DOCK10: variants seen among roughly 807,000 people sequenced by gnomAD.
DOCK10 encodes the protein dedicator of cytokinesis protein 10.
A neutral mutation model predicts 280.1 loss-of-function variants in DOCK10; 145 were observed. The ratio of observed to expected loss-of-function variants is 0.52; its 90% confidence interval spans 0.45 to 0.59. The LOEUF (loss-of-function observed/expected upper bound fraction) is 0.59, where lower values mean the gene tolerates loss of function less well. DOCK10 is among the 20% of genes least tolerant of loss of function. DOCK10 has a pLI of 0.00. For synonymous variants in DOCK10, 915 were observed against 942.2 expected, an observed-to-expected ratio of 0.97 and a Z score of 0.53; for missense variants, 2,368 against 2,651.7, an observed-to-expected ratio of 0.89 and a Z score of 2.35.
In DOCK10 at chr2:224,786,482, G is replaced by A. The variant is rs1691737750; in HGVS notation, c.5655+540C>T. Among the ~76,000 whole-genome samples the A allele has an allele frequency of 6.6e-6, 1 of 152,032 alleles. No individual in the cohort carries two copies. The highest frequency in any genetic ancestry group is 1.5e-5 in the Non-Finnish European group (1 of 68,004). On this transcript the variant is annotated intron_variant, in intron 50 of 55. Coordinates refer to ENST00000258390, the MANE Select transcript of DOCK10 (RefSeq NM_014689.3). This position sits in a 1 kb window ranked among gnomAD's most constrained non-coding sequence, Gnocchi z 4.7. ...CTTCATTGCTTATGCAGCAAACTGG[G>A]AAAAACAACTTTGAAATTACATTGA...
At chr2:224,847,949 T>C (rs1223430167) in intron 19 of DOCK10, among the ~76,000 whole-genome samples, 2 of 152,150 alleles carry the variant, frequency 1.3e-5, no homozygotes, top group Admixed American at 1.3e-4. Context: ...AATGGGGAGA[T>C]TATCCTGGAT....
rs530711337 is a variant in DOCK10, at chr2:224,992,740, C to A, written c.123+49512G>T. Reference sequence around the variant, plus strand: ...GGGAAAGCAGGGAATTGGCTTTGGGCTCTAACACTAATTAGGACTGCAGAC... The same window carrying A: ...GGGAAAGCAGGGAATTGGCTTTGGGATCTAACACTAATTAGGACTGCAGAC... On this transcript the variant is annotated intron_variant, in intron 1 of 55. Transcript: ENST00000258390. Among the ~76,000 whole-genome samples, 56 of 152,316 alleles carry A rather than the reference C, an allele frequency of 3.7e-4. 1 individual carries two copies. Among genetic ancestry groups the A allele is most frequent in the Admixed American group, 9.8e-4 (15 of 15,296 alleles).
intron 3 of DOCK10, among the ~76,000 whole-genome samples, chr2:224,915,014 C>T (rs549649372): frequency 2.6e-5 from 4 of 152,230 alleles, no homozygotes; most frequent in African/African-American, 7.2e-5. Flanking sequence ...TAAAATTCCA[C>T]TCAGATTTGT....
At position 224,766,323 on chromosome 2, in the gene DOCK10, TAAC is replaced by T. The variant is rs1297420549; in HGVS notation, c.6445-489_6445-487del. 5.3e-5 allele frequency among the ~76,000 whole-genome samples: 8 copies of T among 152,250 alleles called. No individual in the cohort carries two copies. In the East Asian group the frequency reaches 1.5e-3, roughly 29 times the overall value. Reference sequence around the variant, plus strand: ...TTCAAACAATGACGTGTAAGCATAATAACAACAGAAACTCCAGACACTTTTAAA... The same window carrying T: ...TTCAAACAATGACGTGTAAGCATAATAACAGAAACTCCAGACACTTTTAAA... On this transcript the variant is annotated intron_variant, in intron 55 of 55. Transcript: ENST00000258390.
chr2:224,788,044 A>G (rs1691856901), intron 48 of DOCK10, among the ~76,000 whole-genome samples: 1 of 152,196 alleles, frequency 6.6e-6, no homozygotes. Context: ...AAAAAAAATG[A>G]AGAGCTTTTA....
At chr2:224,849,635 G>T in intron 18 of DOCK10, 36 bp from the exon 19 acceptor site, 1 of 1,416,190 alleles carries the variant, frequency 7.1e-7, no homozygotes, top group South Asian at 1.2e-5. Flanking sequence ...AATTATGAGT[G>T]TCTGAAATTA....
chr2:224,938,481 G>A (rs1416948465), intron 1 of DOCK10, among the ~76,000 whole-genome samples: 1 of 152,094 alleles, frequency 6.6e-6, no homozygotes, highest in Non-Finnish European at 1.5e-5. Flanking sequence ...ACACGGACAA[G>A]CAAATCACTC....
rs1559517439 is a variant in DOCK10, at chr2:224,834,283, T to C, written c.2851-20A>G. On this transcript the variant is annotated intron_variant, in intron 25 of 55. Transcript: ENST00000258390. ...CACGAACTGAAGAAAATCCAAAAAG[T>C]GAATAAAGTTAAATACTTTGAAAAA... 4 of 1,344,554 alleles carry C rather than the reference T, an allele frequency of 3.0e-6. No homozygotes were observed. Among genetic ancestry groups the C allele is most frequent in the Non-Finnish European group, 4.3e-6 (4 of 937,948 alleles). 83.3% of individuals were successfully genotyped at this position (1,344,554 alleles called of 1,614,324 possible).
At chr2:224,801,549 G>A (rs1693015575) in intron 40 of DOCK10, among the ~76,000 whole-genome samples, 1 of 152,136 alleles carries the variant, frequency 6.6e-6, no homozygotes, top group African/African-American at 2.4e-5. Flanking sequence ...GCTGGAGTGT[G>A]TGCATCTCTA....
chr2:224,998,666 C>T (rs1275725708), intron 1 of DOCK10, among the ~76,000 whole-genome samples: 3 of 152,118 alleles, frequency 2.0e-5, no homozygotes, highest in African/African-American at 4.8e-5. Context: ...ATTCTTTCAC[C>T]TTCCCTCACT....
At chr2:224,810,327 T>C (rs1194375892) in intron 31 of DOCK10, among the ~76,000 whole-genome samples, 1 of 152,108 alleles carries the variant, frequency 6.6e-6, no homozygotes, top group African/African-American at 2.4e-5. Flanking sequence ...ATGGCTGCCA[T>C]GGGCTGGGGA....
chr2:225,003,296 G>A lies in DOCK10; in HGVS notation c.123+38956C>T, dbSNP rs564917869. On this transcript the variant is annotated intron_variant, in intron 1 of 55. Transcript: ENST00000258390. ...CTGGACTCAAGTATGCATCTGCCTC[G>A]GCTTCTCAAAGTGCTGGGATTACAG... Among the ~76,000 whole-genome samples, 35 of 152,200 alleles carry A rather than the reference G, an allele frequency of 2.3e-4. 1 individual carries two copies. The South Asian group carries it at 6.2e-3, about 27-fold the overall frequency.
At chr2:224,956,698 G>C (rs1704064668) in intron 1 of DOCK10, among the ~76,000 whole-genome samples, 1 of 149,794 alleles carries the variant, frequency 6.7e-6, no homozygotes, top group Non-Finnish European at 1.5e-5. Flanking sequence ...ACCACACTTT[G>C]AGAAACAATG....
intron 1 of DOCK10, among the ~76,000 whole-genome samples, chr2:225,035,577 T>G (rs1366731556): frequency 2.1e-5 from 2 of 95,156 alleles, no homozygotes; most frequent in Non-Finnish European, 4.1e-5. Flanking sequence ...TATATATATA[T>G]ATATATATAT....
At chr2:224,843,668 G>T (rs546933728) in intron 22 of DOCK10, among the ~76,000 whole-genome samples, 1 of 152,236 alleles carries the variant, frequency 6.6e-6, no homozygotes, top group African/African-American at 2.4e-5. Flanking sequence ...ATGAAAAGCA[G>T]ATACACATTA....
Position 224,849,477 on chromosome 2 carries a change from C to G in DOCK10, c.2235+30G>C, listed in dbSNP as rs372134452. 6.8e-5 allele frequency: 103 copies of G among 1,513,306 alleles called. 1 individual carries two copies. The South Asian group carries it at 1.1e-3, about 16-fold the overall frequency. The allele number at this position is 1,513,306 out of a possible 1,614,324, so 93.7% of individuals were successfully genotyped here. ...ACATTTACCCACCTTTCTTAGGAAC[C>G]GCTGGGGGCAGTGGAGGGCTAGCTC... On this transcript the variant is annotated intron_variant, in intron 19 of 55. Coordinates refer to ENST00000258390, the MANE Select transcript of DOCK10 (RefSeq NM_014689.3).
intron 3 of DOCK10, among the ~76,000 whole-genome samples, chr2:224,899,522 T>C (rs1028633208): frequency 8.5e-5 from 13 of 152,054 alleles, no homozygotes; most frequent in African/African-American, 2.7e-4. Flanking sequence ...AAAATGGTGG[T>C]GTCATGGGAA....
intron 50 of DOCK10, 178 bp from the exon 51 acceptor site, chr2:224,778,462 C>A (rs980799034): frequency 4.4e-6 from 3 of 682,214 alleles, no homozygotes; most frequent in Non-Finnish European, 7.9e-6. Flanking sequence ...AATAAAGTAT[C>A]ATCTTATAAT....
chr2:224,840,018 A>T lies in DOCK10; in HGVS notation c.2716T>A (p.Leu906Met). Reference sequence around the variant, plus strand: ...ACCAGAACTTTGAAGAGCTGATTCAAAATTATAGGCAGAAAACTCATGATT... The same window carrying T: ...ACCAGAACTTTGAAGAGCTGATTCATAATTATAGGCAGAAAACTCATGATT... ...HAIMSFLPII[L>M]NQLFKVLVQN... The change falls in exon 24 of 56, where the codon TTG (leucine) becomes ATG (methionine). Residue 906 changes from leucine (L) to methionine (M), a missense_variant. Leu to Met is a conservative substitution (Grantham distance 15, BLOSUM62 2). Coordinates refer to ENST00000258390, the MANE Select transcript of DOCK10 (RefSeq NM_014689.3). 6.4e-7 allele frequency: 1 copy of T among 1,565,880 alleles called. No individual in the cohort carries two copies. The highest frequency in any genetic ancestry group is 8.7e-7 in the Non-Finnish European group (1 of 1,152,408).
Sources: allele counts gnomAD v4.1 joint callset (sites outside exome capture counted in the v4.1 genomes callset), GRCh38; gene constraint gnomAD v4.1.1; non-coding constraint Gnocchi (gnomAD v3.1); transcripts MANE v1.5; gene names NCBI Gene and HGNC (gene_info 2026-07-23, HGNC 2026-07-21).